PRDM14: variants seen among roughly 807,000 people sequenced by gnomAD.
PRDM14 encodes PR domain zinc finger protein 14.
Under a neutral mutation model 48.0 loss-of-function variants are expected in PRDM14, and 16 were observed. The ratio of observed to expected loss-of-function variants is 0.33; its 90% CI spans 0.23 to 0.51. The LOEUF (loss-of-function observed/expected upper bound fraction) is 0.51, where lower values mean the gene tolerates loss of function less well. Among genes scored for constraint, PRDM14 ranks in the 20% least tolerant of loss-of-function variants. The pLI, the probability that PRDM14 is intolerant of heterozygous loss-of-function variation, is 0.97. For synonymous variants in PRDM14, 264 were observed against 276.6 expected, an observed-to-expected ratio of 0.95 and a Z score of 0.45; for missense variants, 566 against 719.6, an observed-to-expected ratio of 0.79 and a Z score of 2.44.
intron 7 of PRDM14, among the ~76,000 whole-genome samples, chr8:70,052,855 A>C (rs1805409814): frequency 9.5e-6 from 1 of 105,372 alleles, no homozygotes; most frequent in Non-Finnish European, 1.8e-5. Flanking sequence ...ACAGAGTGAG[A>C]CTCTGTCTCC....
At chr8:70,066,050 G>A (rs568302336) in intron 5 of PRDM14, among the ~76,000 whole-genome samples, 185 bp downstream of exon 5, 9 of 152,240 alleles carry the variant, frequency 5.9e-5, no homozygotes, top group African/African-American at 1.2e-4. Flanking sequence ...AGTAGCTTCC[G>A]CAGCTTTGGG....
chr8:70,068,189 C>T (rs1199595396), intron 4 of PRDM14, 41 bp downstream of exon 4: 26 of 1,610,656 alleles, frequency 1.6e-5, no homozygotes, highest in South Asian at 5.5e-5. Flanking sequence ...ACTAGTCTCC[C>T]GCCCCATTTT....
chr8:70,068,818 C>A (rs1418291211), intron 2 of PRDM14, among the ~76,000 whole-genome samples: 1 of 152,154 alleles, frequency 6.6e-6, no homozygotes, highest in Non-Finnish European at 1.5e-5. Context: ...AGAGGTAATG[C>A]CTGACTAAGG....
intron 4 of PRDM14, 137 bp from the exon 5 acceptor site, chr8:70,066,642 C>A: frequency 1.4e-6 from 1 of 697,490 alleles, no homozygotes; most frequent in Admixed American, 2.8e-5. Context: ...ATTTTTATGT[C>A]ATTACAAGTA....
At chr8:70,060,990 C>T (rs765810274) in intron 5 of PRDM14, among the ~76,000 whole-genome samples, 3 of 152,136 alleles carry the variant, frequency 2.0e-5, no homozygotes, top group Non-Finnish European at 2.9e-5. Flanking sequence ...ACAGGGTTAC[C>T]GTGATGACTA....
At chr8:70,064,175 C>T (rs1357747904) in intron 5 of PRDM14, among the ~76,000 whole-genome samples, 1 of 151,944 alleles carries the variant, frequency 6.6e-6, no homozygotes, top group Non-Finnish European at 1.5e-5. Context: ...CCTGACAGCC[C>T]CTCATCATTG....
chr8:70,070,009 C>G (rs1805740514), intron 1 of PRDM14, 125 bp from the exon 2 acceptor site: 1 of 587,808 alleles, frequency 1.7e-6, no homozygotes. Context: ...TAAACGCCCC[C>G]AGTCCGATCC....
rs1805758769 is a variant in PRDM14 at position 70,071,055 on chromosome 8, C to T, written c.-25+95G>A. ...GCCCCCGAGAGGGCAGAACGACCAT[C>T]CAAAACGAACTGCGCCAGCGAGTGC... On this transcript the variant is annotated intron_variant, in intron 1 of 7. Transcript: ENST00000276594. This position sits in a 1 kb window ranked among gnomAD's most constrained non-coding sequence, Gnocchi z 5.2. 1 of 152,464 alleles carries T rather than the reference C, an allele frequency of 6.6e-6. No individual in the cohort carries two copies. The highest frequency in any genetic ancestry group is 2.1e-4 in the South Asian group (1 of 4,830). 9.4% of individuals were successfully genotyped at this position (152,464 alleles called of 1,614,324 possible). A position where few individuals can be genotyped will look rare whatever the true frequency, so the allele number is the denominator to read the frequency against.
chr8:70,057,973 A>T (rs538015244), intron 6 of PRDM14, among the ~76,000 whole-genome samples: 7 of 152,230 alleles, frequency 4.6e-5, no homozygotes, highest in Non-Finnish European at 8.8e-5. Flanking sequence ...AGTTCCGACA[A>T]GGCCAACAGT....
At chr8:70,068,087 T>C in intron 4 of PRDM14, 143 bp downstream of exon 4, 1 of 903,070 alleles carries the variant, frequency 1.1e-6, no homozygotes, top group Non-Finnish European at 1.7e-6. Flanking sequence ...TCCTTCCTTT[T>C]ACAGGCAACA....
At chr8:70,068,168 G>C in intron 4 of PRDM14, 62 bp downstream of exon 4, 1 of 1,592,846 alleles carries the variant, frequency 6.3e-7, no homozygotes, top group East Asian at 2.2e-5. Flanking sequence ...CAAAGGCCAA[G>C]ATTTCCCCGG....
At position 70,069,420 on chromosome 8, in the gene PRDM14, G is replaced by A; in HGVS notation, c.441C>T (p.Asp147=). 6.2e-7 allele frequency: 1 copy of A among 1,601,090 alleles called. No individual in the cohort carries two copies. The highest frequency in any genetic ancestry group is 2.2e-5 in the East Asian group (1 of 44,698). The change falls in exon 2 of 8, where the codon GAC becomes GAT. Residue 147 remains aspartate (D), a synonymous_variant. Transcript: ENST00000276594. The part of the protein sequence containing the change: ...DNESGPCCGP[D]TLIPPPPADA... ...CCGCAGGGGGCGGTGGAATTAAAGT[G>A]TCAGGTCCACAACACGGGCCACTCT...
intron 4 of PRDM14, 79 bp downstream of exon 4, chr8:70,068,151 A>G: frequency 1.3e-6 from 2 of 1,545,714 alleles, no homozygotes; most frequent in Non-Finnish European, 1.8e-6. Flanking sequence ...GGACTCTCCC[A>G]AAAGGGCAAA....
chr8:70,052,611 T>C (rs887447682), intron 7 of PRDM14, among the ~76,000 whole-genome samples: 2 of 152,030 alleles, frequency 1.3e-5, no homozygotes, highest in African/African-American at 4.8e-5. Context: ...ACACCTGTAA[T>C]CCCAGCACTT....
intron 6 of PRDM14, among the ~76,000 whole-genome samples, chr8:70,058,064 C>T (rs1805508086): frequency 2.0e-5 from 3 of 152,248 alleles, no homozygotes; most frequent in Admixed American, 6.5e-5. Context: ...TTGCAGCAAG[C>T]CTAGCAGAGC....
chr8:70,058,340 C>T (rs1805516031), intron 6 of PRDM14, among the ~76,000 whole-genome samples: 1 of 152,182 alleles, frequency 6.6e-6, no homozygotes, highest in Non-Finnish European at 1.5e-5. Context: ...CCCATTTGTC[C>T]TTCTATACTT....
At chr8:70,067,247 C>T (rs1304725374) in intron 4 of PRDM14, among the ~76,000 whole-genome samples, 1 of 152,118 alleles carries the variant, frequency 6.6e-6, no homozygotes, top group East Asian at 1.9e-4. Context: ...AAGGCCGGGC[C>T]TGGTGGCTCA....
chr8:70,055,236 G>T, intron 7 of PRDM14, 64 bp downstream of exon 7: 1 of 905,976 alleles, frequency 1.1e-6, no homozygotes, highest in Non-Finnish European at 1.8e-6. Context: ...TTTGTTTCAA[G>T]TTCTTATCCA....
rs539747272 is a variant in PRDM14, at chr8:70,066,624, T to C, written c.913-119A>G. On this transcript the variant is annotated intron_variant, in intron 4 of 7. Transcript: ENST00000276594. ...CTTGAGTCCACCAAATACACTTCTA[T>C]CATTCTGATTTTTATGTCATTACAA... The C allele has an allele frequency of 3.9e-5, 30 of 759,900 alleles. No individual in the cohort carries two copies. In the African/African-American group the frequency reaches 5.0e-4, roughly 13 times the overall value. The allele number at this position is 759,900 out of a possible 1,614,324, so 47.1% of individuals were successfully genotyped here.
Sources: allele counts gnomAD v4.1 joint callset (sites outside exome capture counted in the v4.1 genomes callset), GRCh38; gene constraint gnomAD v4.1.1; non-coding constraint Gnocchi (gnomAD v3.1); transcripts MANE v1.5; gene names NCBI Gene and HGNC (gene_info 2026-07-23, HGNC 2026-07-21).